ANOS1: variants seen among roughly 807,000 people sequenced by gnomAD.
The protein encoded by ANOS1 is anosmin-1.
In ANOS1, 6 loss-of-function variants were observed where a neutral mutation model predicts 59.0. The observed-to-expected ratio is 0.10, with a 90% confidence interval of 0.06 to 0.20. ANOS1 has a LOEUF of 0.20. ANOS1 is among the 10% of genes least tolerant of loss of function. The pLI is 1.00. For missense variants in ANOS1, 433 were observed against 542.3 expected (o/e 0.80, Z 2.00); for synonymous variants, 217 against 223.4 (o/e 0.97, Z 0.25).
intron 9 of ANOS1, among the ~76,000 whole-genome samples, chrX:8,545,653 G>A (rs748201524): frequency 1.4e-4 from 16 of 111,837 alleles, no homozygotes; most frequent in Non-Finnish European, 2.1e-4. Context: ...AATATTTGAC[G>A]TTTAATTCAT....
At chrX:8,606,428 CTA>C in intron 3 of ANOS1, among the ~76,000 whole-genome samples, 1 of 111,909 alleles carries the variant, frequency 8.9e-6, no homozygotes. Flanking sequence ...TGGAGAAAAC[CTA>C]TGAGTGTGAC....
chrX:8,684,320 C>T (rs765374768), intron 2 of ANOS1, among the ~76,000 whole-genome samples: 13 of 111,378 alleles, frequency 1.2e-4, no homozygotes, highest in East Asian at 5.7e-4. Flanking sequence ...CTAAGATTTA[C>T]AGTTGATTAG....
chrX:8,689,588 G>C (rs1170793235), intron 2 of ANOS1, among the ~76,000 whole-genome samples: 1 of 109,137 alleles, frequency 9.2e-6, no homozygotes, highest in East Asian at 2.9e-4. Context: ...CATGCCTGTA[G>C]TCCCAGCCAC....
intron 8 of ANOS1, among the ~76,000 whole-genome samples, chrX:8,567,170 G>A (rs1255487362): frequency 8.9e-6 from 1 of 112,275 alleles, no homozygotes; most frequent in African/African-American, 3.2e-5. Flanking sequence ...TCTAAGATAT[G>A]AGTGTCATAT....
intron 3 of ANOS1, among the ~76,000 whole-genome samples, chrX:8,614,653 C>A (rs1219809599): frequency 1.8e-5 from 2 of 110,254 alleles, no homozygotes; most frequent in African/African-American, 6.6e-5. Flanking sequence ...TATATGCATT[C>A]AAAAAAAATT....
chrX:8,647,741 A>C (rs1931784544), intron 2 of ANOS1, among the ~76,000 whole-genome samples: 1 of 112,177 alleles, frequency 8.9e-6, no homozygotes, highest in South Asian at 3.7e-4. Context: ...GCAGTAAGCA[A>C]GTGCACTTCG....
At chrX:8,534,522 A>G (rs946843452) in intron 12 of ANOS1, 62 bp from the exon 13 acceptor site, 1 of 1,121,119 alleles carries the variant, frequency 8.9e-7, no homozygotes, top group African/African-American at 1.8e-5. Context: ...CATGCAATGC[A>G]CAGAGAGCCT....
chrX:8,648,083 T>G lies in ANOS1; in HGVS notation c.256-24413A>C, dbSNP rs182989504. 2.7e-5 allele frequency among the ~76,000 whole-genome samples: 3 copies of G among 112,470 alleles called. No homozygotes were observed. In the Admixed American group the frequency reaches 2.8e-4, roughly 11 times the overall value. On this transcript the variant is annotated intron_variant, in intron 2 of 13. Coordinates refer to ENST00000262648, the MANE Select transcript of ANOS1 (RefSeq NM_000216.4). ...ATTATAAATTGATAGACAAAACAAT[T>G]AAAATAATGCTTCCAGGATGAACTA...
chrX:8,536,951 A>C lies in ANOS1; in HGVS notation c.1450-9T>G. ...AGAATTATGTAATTTTCCTAGAGCA[A>C]GAGAAAGAGAATTATGCTAGCAATA... is the stretch of plus-strand genomic sequence containing the variant. On this transcript the variant is annotated splice_polypyrimidine_tract_variant and intron_variant, in intron 10 of 13. Coordinates refer to ENST00000262648, the MANE Select transcript of ANOS1 (RefSeq NM_000216.4). The C allele has an allele frequency of 8.5e-7, 1 of 1,182,473 alleles. No homozygotes were observed. The highest frequency in any genetic ancestry group is 3.0e-5 in the East Asian group (1 of 33,701).
At chrX:8,709,113 G>C (rs1321576354) in intron 1 of ANOS1, among the ~76,000 whole-genome samples, 1 of 109,824 alleles carries the variant, frequency 9.1e-6, no homozygotes, top group Non-Finnish European at 1.9e-5. Context: ...GAGCCTGTCA[G>C]GGGGTGGGGG....
chrX:8,624,967 G>A lies in ANOS1; in HGVS notation c.256-1297C>T, dbSNP rs764701616. On this transcript the variant is annotated intron_variant, in intron 2 of 13. Transcript: ENST00000262648. ...TACCAAAAAATACAAAAATTAGCCT[G>A]GCATTGTGGCGCCCACCTGTAGTTC... Among the ~76,000 whole-genome samples, 5 of 109,688 alleles carry A rather than the reference G, an allele frequency of 4.6e-5. No individual in the cohort carries two copies. The South Asian group carries it at 2.0e-3, about 44-fold the overall frequency.
At chrX:8,573,500 A>T (rs980275057) in intron 6 of ANOS1, among the ~76,000 whole-genome samples, 1 of 110,364 alleles carries the variant, frequency 9.1e-6, no homozygotes, top group South Asian at 3.9e-4. Flanking sequence ...ATCTACACTC[A>T]CTCTCTAGGG....
chrX:8,590,723 C>G (rs1218765074), intron 4 of ANOS1, among the ~76,000 whole-genome samples: 5 of 111,944 alleles, frequency 4.5e-5, no homozygotes, highest in African/African-American at 1.3e-4. Context: ...ATAGCCAAAC[C>G]CACTTTCTTA....
At chrX:8,688,811 G>A (rs1932561347) in intron 2 of ANOS1, among the ~76,000 whole-genome samples, 1 of 112,093 alleles carries the variant, frequency 8.9e-6, no homozygotes, top group Non-Finnish European at 1.9e-5. Context: ...TCAGCAGACA[G>A]GCTAGTTTCT....
chrX:8,535,847 G>A (rs777973762), intron 11 of ANOS1, 36 bp from the exon 12 acceptor site: 17 of 1,104,618 alleles, frequency 1.5e-5, no homozygotes, highest in African/African-American at 3.6e-5. Flanking sequence ...AGGATTAGGC[G>A]ACTGGAGAAG....
chrX:8,647,494 G>A (rs757225401), intron 2 of ANOS1, among the ~76,000 whole-genome samples: 17 of 111,661 alleles, frequency 1.5e-4, no homozygotes, highest in African/African-American at 2.0e-4. Context: ...CACTGTCACC[G>A]CAATTCAAAG....
At chrX:8,617,173 C>T (rs1268235199) in intron 3 of ANOS1, among the ~76,000 whole-genome samples, 1 of 112,199 alleles carries the variant, frequency 8.9e-6, no homozygotes, top group Non-Finnish European at 1.9e-5. Context: ...AATATTATAT[C>T]ACTTTCACGT....
chrX:8,562,589 T>C (rs1930051227), intron 8 of ANOS1, among the ~76,000 whole-genome samples: 1 of 112,507 alleles, frequency 8.9e-6, no homozygotes, highest in African/African-American at 3.2e-5. Flanking sequence ...TTTTGATTAA[T>C]TTTATAGATC....
chrX:8,662,114 A>G (rs1932048361), intron 2 of ANOS1, among the ~76,000 whole-genome samples: 1 of 111,775 alleles, frequency 8.9e-6, no homozygotes, highest in South Asian at 3.8e-4. Flanking sequence ...GTAGTCCTGC[A>G]TCAGGCTGAT....
Sources: gnomAD v4.1 joint callset for allele counts (sites outside exome capture counted in the v4.1 genomes callset) on GRCh38, gnomAD v4.1.1 for gene constraint, MANE v1.5 for transcripts, NCBI Gene and HGNC (gene_info 2026-07-23, HGNC 2026-07-21) for gene names.